Variants in RBCK1 observed in about 807,000 individuals in gnomAD.
The protein encoded by RBCK1 is RANBP2-type and C3HC4-type zinc finger containing 1.
In RBCK1, 44 loss-of-function variants were observed where a neutral mutation model predicts 71.1. That is an observed-to-expected ratio of 0.62 (90% CI 0.49 to 0.80). The LOEUF is 0.80. Ranked by LOEUF, RBCK1 falls within the 30% of genes least tolerant of loss-of-function variation. The pLI is 0.00. For synonymous variants in RBCK1, 306 were observed against 279.7 expected (o/e 1.09, Z -0.94); for missense variants, 569 against 685.0 (o/e 0.83, Z 1.89).
chr20:430,300 G>A lies in RBCK1; in HGVS notation c.1453-50G>A. The A allele has an allele frequency of 6.7e-7, 1 of 1,498,016 alleles. No homozygotes were observed. The highest frequency in any genetic ancestry group is 9.3e-7 in the Non-Finnish European group (1 of 1,076,856). 92.8% of individuals were successfully genotyped at this position (1,498,016 alleles called of 1,614,324 possible). A position where few individuals can be genotyped will look rare whatever the true frequency, so the allele number is the denominator to read the frequency against. ...GGTGGGAGAGCGCTCGGCTGTGGGG[G>A]CAGTCTCTGCACTGCGCTGACATTC... On this transcript the variant is annotated intron_variant, in intron 11 of 11. Coordinates refer to ENST00000356286, the MANE Select transcript of RBCK1 (RefSeq NM_031229.4). This position sits in a 1 kb window ranked among gnomAD's most constrained non-coding sequence, Gnocchi z 5.6.
chr20:408,416 T>G lies in RBCK1; in HGVS notation c.-342T>G. The G allele has an allele frequency of 4.5e-6, 2 of 447,258 alleles. No individual in the cohort carries two copies. The highest frequency in any genetic ancestry group is 8.0e-6 in the Non-Finnish European group (2 of 250,262). 27.7% of individuals were successfully genotyped at this position (447,258 alleles called of 1,614,324 possible). A position where few individuals can be genotyped will look rare whatever the true frequency, so the allele number is the denominator to read the frequency against. On this transcript the variant is annotated 5_prime_UTR_variant, in exon 1 of 12. Coordinates refer to ENST00000356286, the MANE Select transcript of RBCK1 (RefSeq NM_031229.4). ...CCAGGGGCGCTCCCGCAAGTGGGGG[T>G]CCTCCGGGACTTGGAACGCCCCGGC...
intron 7 of RBCK1, chr20:421,794 G>T: frequency 3.3e-6 from 1 of 306,290 alleles, no homozygotes. Flanking sequence ...TTTGTTCTGG[G>T]TAGGATGGGA....
intron 2 of RBCK1, among the ~76,000 whole-genome samples, chr20:411,316 G>T (rs1029534723): frequency 3.9e-5 from 6 of 151,908 alleles, no homozygotes; most frequent in African/African-American, 1.5e-4. Context: ...CAGTCCTCCT[G>T]CCTTGGCCTC....
chr20:419,673 ACGAGGAGGAGCGAGCGCGCCTGGCGGG>A lies in RBCK1; in HGVS notation c.709_735del (p.Arg237_Glu245del), dbSNP rs2016251819. 4 of 1,580,926 alleles carry A rather than the reference ACGAGGAGGAGCGAGCGCGCCTGGCGGG, an allele frequency of 2.5e-6. No homozygotes were observed. The highest frequency in any genetic ancestry group is 1.3e-5 in the African/African-American group (1 of 74,294). ...CAGGTCCCCGCCTCATACCAGCCCG[ACGAGGAGGAGCGAGCGCGCCTGGCGGG>A]CGAGGAGGAGGCGCTGCGTCAGTAC... On this transcript the variant is annotated inframe_deletion, in exon 6 of 12. Coordinates refer to ENST00000356286, the MANE Select transcript of RBCK1 (RefSeq NM_031229.4).
At position 422,227 on chromosome 20, in the gene RBCK1, G is replaced by A. The variant is rs1303056025; in HGVS notation, c.1018G>A (p.Glu340Lys). The change falls in exon 8 of 12, where the codon GAG becomes AAG. Residue 340 changes from glutamate (E) to lysine (K), a missense_variant. Physicochemically the swap from Glu to Lys is moderately conservative, Grantham distance 56. Around this residue, in one of 2 missense-constraint regions of RBCK1, gnomAD observed 211 missense variants for 309.4 expected, o/e 0.68. Coordinates refer to ENST00000356286, the MANE Select transcript of RBCK1 (RefSeq NM_031229.4). This position sits in a 1 kb window ranked among gnomAD's most constrained non-coding sequence, Gnocchi z 5.0. ...GTGCTCGGGCAAGCTGCTGGAGAGG[G>A]AGATCAAGGCGGTAAGGCCTCAGGG... Reference protein sequence around the residue: ...YSCSGKLLEREIKALLTPEDY... With the variant: ...YSCSGKLLERKIKALLTPEDY... 1.9e-6 allele frequency: 3 copies of A among 1,613,498 alleles called. No homozygotes were observed. Among genetic ancestry groups the A allele is most frequent in the Non-Finnish European group, 2.5e-6 (3 of 1,179,900 alleles).
rs548526459 is a variant in RBCK1, at chr20:417,991, T to C, written c.460+61T>C. The C allele has an allele frequency of 1.9e-5, 29 of 1,513,238 alleles. No homozygotes were observed. The highest frequency in any genetic ancestry group is 2.4e-5 in the Non-Finnish European group (27 of 1,124,456). 93.7% of individuals were successfully genotyped at this position (1,513,238 alleles called of 1,614,324 possible). On this transcript the variant is annotated intron_variant, in intron 4 of 11. Transcript: ENST00000356286. The surrounding 1 kb of genome is among the most constrained non-coding windows in gnomAD (Gnocchi z 4.7). ...GGGGCCCTGGACTCACTTGAGGGCATAGGGCAAGCAGGGGCAGAGCCCCTG... is the reference window on the plus strand; with the variant it reads ...GGGGCCCTGGACTCACTTGAGGGCACAGGGCAAGCAGGGGCAGAGCCCCTG...
chr20:415,700 TA>T (rs2015942698), intron 2 of RBCK1, among the ~76,000 whole-genome samples: 3 of 152,190 alleles, frequency 2.0e-5, no homozygotes, highest in Admixed American at 6.5e-5. Flanking sequence ...CTAGCATTGC[TA>T]CAAAGAAATA....
chr20:418,479 C>T (rs1395285818), intron 4 of RBCK1, among the ~76,000 whole-genome samples: 5 of 152,218 alleles, frequency 3.3e-5, no homozygotes, highest in Non-Finnish European at 7.3e-5. Context: ...CGCCATTCTC[C>T]TGCCTCAGCC....
intron 2 of RBCK1, among the ~76,000 whole-genome samples, chr20:415,016 T>C (rs1011332980): frequency 6.6e-5 from 10 of 152,266 alleles, no homozygotes; most frequent in African/African-American, 2.4e-4. Flanking sequence ...GAGCATTTTC[T>C]GGACTGCTTT....
intron 8 of RBCK1, among the ~76,000 whole-genome samples, chr20:426,859 T>G (rs1382022228): frequency 6.9e-6 from 1 of 144,992 alleles, no homozygotes; most frequent in Non-Finnish European, 1.5e-5. Flanking sequence ...AGGATTTCAT[T>G]CTGTCACCCA....
chr20:415,485 A>C (rs914461022), intron 2 of RBCK1, among the ~76,000 whole-genome samples: 11 of 152,224 alleles, frequency 7.2e-5, no homozygotes, highest in African/African-American at 2.4e-4. Context: ...CTATTTCATT[A>C]GTGCTTTTTA....
chr20:425,613 T>C (rs1234163542), intron 8 of RBCK1, among the ~76,000 whole-genome samples: 1 of 149,818 alleles, frequency 6.7e-6, no homozygotes, highest in Non-Finnish European at 1.5e-5. Flanking sequence ...AGGAATGTTT[T>C]GCATGGTGTA....
At chr20:427,563 T>G in intron 9 of RBCK1, 71 bp downstream of exon 9, 1 of 1,532,838 alleles carries the variant, frequency 6.5e-7, no homozygotes, top group Non-Finnish European at 8.9e-7. Flanking sequence ...CTGCAGTGCG[T>G]GTTCTCCTGG....
In RBCK1 at chr20:422,293, C is replaced by T; in HGVS notation, c.1029+55C>T. 7.2e-7 allele frequency: 1 copy of T among 1,397,978 alleles called. No individual in the cohort carries two copies. The highest frequency in any genetic ancestry group is 1.0e-6 in the Non-Finnish European group (1 of 993,120). The allele number at this position is 1,397,978 out of a possible 1,614,324, so 86.6% of individuals were successfully genotyped here. On this transcript the variant is annotated intron_variant, in intron 8 of 11. Transcript: ENST00000356286. This position sits in a 1 kb window ranked among gnomAD's most constrained non-coding sequence, Gnocchi z 5.0. ...AAGTCCCAACTCCTAAGGAACTGGG[C>T]CCTGAGCAGGCAGCAGACATCTTTC...
At chr20:424,508 C>A (rs969342369) in intron 8 of RBCK1, among the ~76,000 whole-genome samples, 2 of 151,734 alleles carry the variant, frequency 1.3e-5, no homozygotes, top group African/African-American at 4.9e-5. Flanking sequence ...TTATGGAGCC[C>A]AAGAGGTTCT....
intron 8 of RBCK1, among the ~76,000 whole-genome samples, chr20:423,906 C>T (rs1357490716): frequency 6.6e-6 from 1 of 152,082 alleles, no homozygotes; most frequent in East Asian, 1.9e-4. Context: ...ATGTCTCACC[C>T]ACCAGCAGGC....
intron 4 of RBCK1, among the ~76,000 whole-genome samples, chr20:418,494 G>A (rs554413615): frequency 6.6e-6 from 1 of 152,056 alleles, no homozygotes; most frequent in African/African-American, 2.4e-5. Context: ...TCAGCCTCCG[G>A]AGTAGCTGGG....
chr20:411,860 ATC>A (rs1293849500), intron 2 of RBCK1, among the ~76,000 whole-genome samples: 19 of 152,308 alleles, frequency 1.2e-4, no homozygotes, highest in African/African-American at 4.6e-4. Context: ...GTATAGACAT[ATC>A]TCATTATCTT....
Position 417,988 on chromosome 20 carries a change from G to A in RBCK1, c.460+58G>A. 1.3e-6 allele frequency: 2 copies of A among 1,527,038 alleles called. No individual in the cohort carries two copies. Among genetic ancestry groups the A allele is most frequent in the Non-Finnish European group, 1.8e-6 (2 of 1,134,814 alleles). 94.6% of individuals were successfully genotyped at this position (1,527,038 alleles called of 1,614,324 possible). A position where few individuals can be genotyped will look rare whatever the true frequency, so the allele number is the denominator to read the frequency against. The stretch of plus-strand genomic sequence containing the variant: ...GCGGGGGCCCTGGACTCACTTGAGG[G>A]CATAGGGCAAGCAGGGGCAGAGCCC... On this transcript the variant is annotated intron_variant, in intron 4 of 11. Transcript: ENST00000356286. This position sits in a 1 kb window ranked among gnomAD's most constrained non-coding sequence, Gnocchi z 4.7.
Sources: allele counts gnomAD v4.1 joint callset (sites outside exome capture counted in the v4.1 genomes callset), GRCh38; gene constraint gnomAD v4.1.1; regional missense constraint gnomAD v4.1.1; non-coding constraint Gnocchi (gnomAD v3.1); transcripts MANE v1.5; gene names NCBI Gene and HGNC (gene_info 2026-07-23, HGNC 2026-07-21).